The following GPR161 variants were observed in gnomAD, a reference collection of about 807,000 sequenced individuals.
The protein encoded by GPR161 is G protein-coupled receptor 161.
Under a neutral mutation model 39.2 loss-of-function variants are expected in GPR161, and 25 were observed. That is an observed-to-expected ratio of 0.64 (90% confidence interval 0.47 to 0.89). GPR161 has a LOEUF of 0.89. Among genes scored for constraint, GPR161 ranks in the 40% least tolerant of loss-of-function variants. The probability of loss-of-function intolerance (pLI) is 0.00; values close to 1 mark genes in which losing one functional copy is unlikely to be tolerated. For missense variants in GPR161, 547 were observed against 677.8 expected (o/e 0.81, Z 2.14); for synonymous variants, 286 against 276.6 (o/e 1.03, Z -0.34).
chr1:168,116,186 C>G (rs1697618563), intron 1 of GPR161, among the ~76,000 whole-genome samples: 1 of 152,140 alleles, frequency 6.6e-6, no homozygotes, highest in Non-Finnish European at 1.5e-5. Flanking sequence ...CAGAATGCAC[C>G]ACTCCATTGT....
intron 1 of GPR161, among the ~76,000 whole-genome samples, chr1:168,108,844 T>C (rs1011854073): frequency 2.6e-5 from 4 of 152,234 alleles, no homozygotes; most frequent in African/African-American, 4.8e-5. Context: ...GGTAATGGCA[T>C]TGCAATTTTA....
chr1:168,136,995 G>C (rs1301807198), upstream of GPR161: 5 of 720,368 alleles, frequency 6.9e-6, no homozygotes, highest in Non-Finnish European at 7.8e-6. Context: ...CCGGCCCCCG[G>C]AGCCCCGAGC....
At chr1:168,095,793 G>A (rs957062367) in intron 3 of GPR161, among the ~76,000 whole-genome samples, 10 of 152,146 alleles carry the variant, frequency 6.6e-5, no homozygotes, top group Non-Finnish European at 1.5e-4. Flanking sequence ...GGCTGTGCCA[G>A]GAGAAGGTGG....
Position 168,128,794 on chromosome 1 carries a change from G to A in GPR161, c.-45+7945C>T, listed in dbSNP as rs182134962. 2.0e-5 allele frequency among the ~76,000 whole-genome samples: 3 copies of A among 152,306 alleles called. No homozygotes were observed. The East Asian group carries it at 5.8e-4, about 29-fold the overall frequency. Reference sequence around the variant, plus strand: ...TATTATTTTTAAATAGCTGAAAGGAGTACATTTTTTTCTGATGGCCATATG... The same window carrying A: ...TATTATTTTTAAATAGCTGAAAGGAATACATTTTTTTCTGATGGCCATATG... On this transcript the variant is annotated intron_variant, in intron 1 of 5. Transcript: ENST00000682931.
In GPR161 at chr1:168,105,841, C is replaced by G. The variant is rs556121642; in HGVS notation, c.-44-947G>C. Among the ~76,000 whole-genome samples the G allele has an allele frequency of 7.9e-5, 12 of 152,316 alleles. No homozygotes were observed. In the South Asian group the frequency reaches 1.9e-3, roughly 24 times the overall value. On this transcript the variant is annotated intron_variant, in intron 1 of 5. Coordinates refer to ENST00000682931, the MANE Select transcript of GPR161 (RefSeq NM_001375883.1). ...CCAAAAAACCCCACAGATCACTTTC[C>G]CCACCTGCTCTCATTCTCTGCACAC...
At chr1:168,133,451 G>A (rs1699149144) in intron 1 of GPR161, among the ~76,000 whole-genome samples, 1 of 152,300 alleles carries the variant, frequency 6.6e-6, no homozygotes, top group South Asian at 2.1e-4. Context: ...GCCAATCTAT[G>A]AGTCCATCAA....
chr1:168,110,550 A>C (rs1394611369), intron 1 of GPR161, among the ~76,000 whole-genome samples: 1 of 91,444 alleles, frequency 1.1e-5, no homozygotes, highest in Non-Finnish European at 2.0e-5. Context: ...AAGAAAAGAA[A>C]AGAAAAGAAA....
At position 168,104,462 on chromosome 1, in the gene GPR161, C is replaced by A. The variant is rs760374436; in HGVS notation, c.374+15G>T. 6.2e-7 allele frequency: 1 copy of A among 1,604,012 alleles called. No individual in the cohort carries two copies. The highest frequency in any genetic ancestry group is 1.1e-5 in the South Asian group (1 of 90,280). On this transcript the variant is annotated intron_variant, in intron 2 of 5. Transcript: ENST00000682931. ...TCAGTAATCCCTCAATTCTCTAAGT[C>A]TGAGGCATGCTTACCGGTCGATGGC...
chr1:168,100,880 G>A (rs185322406), intron 2 of GPR161, among the ~76,000 whole-genome samples: 162 of 152,346 alleles, frequency 1.1e-3, no homozygotes, highest in African/African-American at 3.6e-3. Context: ...GCTTGGCAGC[G>A]ATGATAGAGG....
rs906134421 is a variant in GPR161, at chr1:168,084,560, T to C, written c.*971A>G. ...CTTATTTATACCAGGCTTGTGATAA[T>C]AGTAACTGTTGCTCTTGGGAGTGTG... On this transcript the variant is annotated 3_prime_UTR_variant, in exon 6 of 6. Coordinates refer to ENST00000682931, the MANE Select transcript of GPR161 (RefSeq NM_001375883.1). 8.5e-6 allele frequency: 3 copies of C among 352,926 alleles called. No individual in the cohort carries two copies. The highest frequency in any genetic ancestry group is 4.3e-5 in the African/African-American group (2 of 46,614). 21.9% of individuals were successfully genotyped at this position (352,926 alleles called of 1,614,324 possible).
At chr1:168,117,505 C>T (rs4657734) in intron 1 of GPR161, among the ~76,000 whole-genome samples, 56,024 of 151,902 alleles carry the variant, frequency 0.37, 10,556 homozygotes, top group Admixed American at 0.49. Flanking sequence ...ACTTAACCCC[C>T]CCCTGCATCA....
At chr1:168,099,480 CTGTT>C (rs1166347156) in intron 2 of GPR161, among the ~76,000 whole-genome samples, 1 of 152,214 alleles carries the variant, frequency 6.6e-6, no homozygotes, top group African/African-American at 2.4e-5. Flanking sequence ...TCCACCGACT[CTGTT>C]TGGCGGCCAT....
intron 2 of GPR161, among the ~76,000 whole-genome samples, chr1:168,103,426 G>GGAA (rs1696294381): frequency 8.5e-6 from 1 of 117,696 alleles, no homozygotes; most frequent in African/African-American, 4.0e-5. Flanking sequence ...TACTACTCAG[G>GGAA]GAAAAAAAAA....
At chr1:168,109,860 G>A (rs1696958223) in intron 1 of GPR161, among the ~76,000 whole-genome samples, 1 of 152,126 alleles carries the variant, frequency 6.6e-6, no homozygotes, top group Non-Finnish European at 1.5e-5. Flanking sequence ...CCAGCTACTG[G>A]AGAGGCCGAG....
At position 168,096,490 on chromosome 1, in the gene GPR161, T is replaced by C. The variant is rs1369381658; in HGVS notation, c.1099+18A>G. 2 of 1,607,016 alleles carry C rather than the reference T, an allele frequency of 1.2e-6. No homozygotes were observed. Among genetic ancestry groups the C allele is most frequent in the Non-Finnish European group, 1.7e-6 (2 of 1,176,268 alleles). Reference sequence around the variant, plus strand: ...TTCATCTGCCTCGGAGGGGCTATCCTAACAATGCCCAAGTTACCTGTGATC... The same window carrying C: ...TTCATCTGCCTCGGAGGGGCTATCCCAACAATGCCCAAGTTACCTGTGATC... On this transcript the variant is annotated intron_variant, in intron 3 of 5. Coordinates refer to ENST00000682931, the MANE Select transcript of GPR161 (RefSeq NM_001375883.1).
intron 1 of GPR161, among the ~76,000 whole-genome samples, chr1:168,110,587 GAAA>G (rs1697076367): frequency 1.1e-5 from 1 of 93,420 alleles, no homozygotes; most frequent in South Asian, 2.9e-4. Flanking sequence ...GAAAAGAAAA[GAAA>G]AGAAAAGAGA....
intron 1 of GPR161, among the ~76,000 whole-genome samples, chr1:168,117,355 T>A (rs904223053): frequency 3.3e-5 from 5 of 152,208 alleles, no homozygotes; most frequent in African/African-American, 7.2e-5. Flanking sequence ...TCTGAATAAC[T>A]TTTACAGGTA....
chr1:168,115,620 C>T (rs1369291143), intron 1 of GPR161, among the ~76,000 whole-genome samples: 1 of 152,148 alleles, frequency 6.6e-6, no homozygotes, highest in East Asian at 1.9e-4. Context: ...TTTATGAGGA[C>T]ATCCTAAGGG....
chr1:168,135,089 A>G, intron 1 of GPR161: 1 of 1,458,012 alleles, frequency 6.9e-7, no homozygotes, highest in Non-Finnish European at 9.1e-7. Context: ...GATTAGTTCC[A>G]AAATGTCAAG....
Sources: gnomAD v4.1 joint callset for allele counts (sites outside exome capture counted in the v4.1 genomes callset) on GRCh38, gnomAD v4.1.1 for gene constraint, MANE v1.5 for transcripts, NCBI Gene and HGNC (gene_info 2026-07-23, HGNC 2026-07-21) for gene names.